MINDY2: variants seen among roughly 807,000 people sequenced by gnomAD.
The protein encoded by MINDY2 is ubiquitin carboxyl-terminal hydrolase MINDY-2.
In MINDY2, 52 loss-of-function variants were observed where a neutral mutation model predicts 68.2. The observed-to-expected ratio is 0.76, with a 90% CI of 0.61 to 0.96. MINDY2 has a LOEUF of 0.96. MINDY2 is among the 40% of genes least tolerant of loss of function. The pLI is 0.00. For synonymous variants in MINDY2, 372 were observed against 303.0 expected (o/e 1.23, Z -2.36); for missense variants, 881 against 773.4 (o/e 1.14, Z -1.65).
rs1217026028 is a variant in MINDY2, at chr15:58,857,520, C to T, written c.*2910C>T. On this transcript the variant is annotated 3_prime_UTR_variant, in exon 9 of 9. Coordinates refer to ENST00000559228, the MANE Select transcript of MINDY2 (RefSeq NM_001040450.3). Reference sequence around the variant, plus strand: ...CTGCATGCAAGCCTGGGCAATAGAGCGAGACTCCGTCTCAAAAAAAAAAAA... The same window carrying T: ...CTGCATGCAAGCCTGGGCAATAGAGTGAGACTCCGTCTCAAAAAAAAAAAA... The T allele has an allele frequency of 2.7e-5, 3 of 110,426 alleles. No homozygotes were observed. The highest frequency in any genetic ancestry group is 3.1e-4 in the South Asian group (1 of 3,182). The allele number at this position is 110,426 out of a possible 1,614,324, so 6.8% of individuals were successfully genotyped here.
At chr15:58,796,877 T>G (rs1902319072) in intron 2 of MINDY2, among the ~76,000 whole-genome samples, 1 of 152,208 alleles carries the variant, frequency 6.6e-6, no homozygotes, top group African/African-American at 2.4e-5. Context: ...TTTCTGACCC[T>G]GTTTCCTATC....
At chr15:58,854,319 T>C (rs1035129531) in intron 8 of MINDY2, among the ~76,000 whole-genome samples, 163 bp from the exon 9 acceptor site, 3 of 152,124 alleles carry the variant, frequency 2.0e-5, no homozygotes, top group Non-Finnish European at 4.4e-5. Flanking sequence ...ATGGTAGCGG[T>C]AATGGCTCAG....
chr15:58,816,568 G>T (rs1189393179), intron 4 of MINDY2, among the ~76,000 whole-genome samples: 1 of 151,994 alleles, frequency 6.6e-6, no homozygotes, highest in African/African-American at 2.4e-5. Context: ...AGCATGCCCA[G>T]CTCACATACA....
intron 4 of MINDY2, among the ~76,000 whole-genome samples, chr15:58,819,318 T>A (rs925925540): frequency 3.9e-5 from 6 of 151,952 alleles, no homozygotes; most frequent in African/African-American, 1.4e-4. Flanking sequence ...TGTGGTGGCG[T>A]CTGCCTGTAG....
In MINDY2 at chr15:58,859,090, T is replaced by G. The variant is rs978812203; in HGVS notation, c.*4480T>G. ...TAACAAAATATATCTTAAGTCAGTTTTTTTAATGCTGTCAAAATTTGTAGA... is the reference window on the plus strand; with the variant it reads ...TAACAAAATATATCTTAAGTCAGTTGTTTTAATGCTGTCAAAATTTGTAGA... On this transcript the variant is annotated 3_prime_UTR_variant, in exon 9 of 9. Coordinates refer to ENST00000559228, the MANE Select transcript of MINDY2 (RefSeq NM_001040450.3). 8 of 152,156 alleles carry G rather than the reference T, an allele frequency of 5.3e-5. No homozygotes were observed. The highest frequency in any genetic ancestry group is 1.9e-4 in the African/African-American group (8 of 41,466). 9.4% of individuals were successfully genotyped at this position (152,156 alleles called of 1,614,324 possible). A position where few individuals can be genotyped will look rare whatever the true frequency, so the allele number is the denominator to read the frequency against.
Position 58,859,675 on chromosome 15 carries a change from G to C in MINDY2, c.*5065G>C, listed in dbSNP as rs1296923164. 1 of 152,188 alleles carries C rather than the reference G, an allele frequency of 6.6e-6. No individual in the cohort carries two copies. The highest frequency in any genetic ancestry group is 2.4e-5 in the African/African-American group (1 of 41,454). 9.4% of individuals were successfully genotyped at this position (152,188 alleles called of 1,614,324 possible). A position where few individuals can be genotyped will look rare whatever the true frequency, so the allele number is the denominator to read the frequency against. The stretch of plus-strand genomic sequence containing the variant: ...AGCGATAATGGCATGGGAGAGGCCA[G>C]ATGCAGGACTCTGGTAAATTTAACT... On this transcript the variant is annotated 3_prime_UTR_variant, in exon 9 of 9. Coordinates refer to ENST00000559228, the MANE Select transcript of MINDY2 (RefSeq NM_001040450.3).
chr15:58,802,518 CTA>C (rs1306407429), intron 3 of MINDY2, 141 bp downstream of exon 3: 2 of 452,540 alleles, frequency 4.4e-6, no homozygotes, highest in East Asian at 7.5e-5. Context: ...TGGTCAGTCT[CTA>C]TTACATATTC....
intron 4 of MINDY2, among the ~76,000 whole-genome samples, chr15:58,813,767 G>C (rs572815141): frequency 1.3e-5 from 2 of 150,586 alleles, no homozygotes; most frequent in Non-Finnish European, 1.5e-5. Context: ...TTAAGAAAGC[G>C]ACAAACTGTT....
In MINDY2 at chr15:58,825,989, T is replaced by C. The variant is rs2031369459; in HGVS notation, c.1225+4170T>C. ...TAGGATATGTATTCGTTAATTCAAA[T>C]ATTTATTGAGCCTTTATTATGTGCC... On this transcript the variant is annotated intron_variant, in intron 5 of 8. Coordinates refer to ENST00000559228, the MANE Select transcript of MINDY2 (RefSeq NM_001040450.3). Among the ~76,000 whole-genome samples, 6 of 152,166 alleles carry C rather than the reference T, an allele frequency of 3.9e-5. No individual in the cohort carries two copies. In the South Asian group the frequency reaches 1.2e-3, roughly 31 times the overall value.
intron 2 of MINDY2, among the ~76,000 whole-genome samples, chr15:58,800,320 C>G (rs547744514): frequency 6.6e-6 from 1 of 152,268 alleles, no homozygotes; most frequent in South Asian, 2.1e-4. Context: ...CTGTATCATT[C>G]TTTGTCCCTA....
intron 1 of MINDY2, among the ~76,000 whole-genome samples, chr15:58,787,694 G>A (rs1231981021): frequency 2.0e-4 from 28 of 142,492 alleles, no homozygotes; most frequent in African/African-American, 6.9e-4. Flanking sequence ...CCGAGATTGC[G>A]CCACTGCAGT....
Position 58,847,323 on chromosome 15 carries a change from C to G in MINDY2, c.1395C>G (p.Asp465Glu), listed in dbSNP as rs2032585248. 1 of 1,586,050 alleles carries G rather than the reference C, an allele frequency of 6.3e-7. No individual in the cohort carries two copies. ...GTCAACTGTATTTGTTGGTAACGGA[C>G]CAGGGGTTTCTTACTGAAGAGAAAG... ...YKGQLYLLVT[D>E]QGFLTEEKVV... Residue 465 changes from aspartate (D) to glutamate (E), a missense_variant, in exon 7 of 9, where the codon GAC becomes GAG. Physicochemically the swap from Asp to Glu is conservative, Grantham distance 45. Transcript: ENST00000559228.
rs2032833769 is a variant in MINDY2 at position 58,851,913 on chromosome 15, AG to A, written c.1687del (p.Glu563AsnfsTer94). The A allele has an allele frequency of 6.2e-7, 1 of 1,604,152 alleles. No homozygotes were observed. The highest frequency in any genetic ancestry group is 8.5e-7 in the Non-Finnish European group (1 of 1,177,784). On this transcript the variant is annotated frameshift_variant, in exon 8 of 9. Coordinates refer to ENST00000559228, the MANE Select transcript of MINDY2 (RefSeq NM_001040450.3). LOFTEE classifies it high-confidence loss of function. The part of the protein sequence containing the change: ...EEDRRASQYY[Q>X]EQEQAAAAAA... Reference sequence around the variant, plus strand: ...GACAGACGGGCTTCTCAATACTATCAGGAACAGGAACAAGCAGCAGCTGCTG... The same window carrying A: ...GACAGACGGGCTTCTCAATACTATCAGAACAGGAACAAGCAGCAGCTGCTG...
chr15:58,846,144 C>T (rs2032523178), intron 6 of MINDY2, among the ~76,000 whole-genome samples: 1 of 149,768 alleles, frequency 6.7e-6, no homozygotes, highest in South Asian at 2.1e-4. Context: ...CATTTGCTAA[C>T]ACAAGAGTGT....
rs373157618 is a variant in MINDY2, at chr15:58,801,235, A to G, written c.899-1078A>G. ...GTGATCCACCCTCCTCGGCCTCCCA[A>G]TGTGCTGGGATTATAGGCATGAGCC... On this transcript the variant is annotated intron_variant, in intron 2 of 8. Coordinates refer to ENST00000559228, the MANE Select transcript of MINDY2 (RefSeq NM_001040450.3). Among the ~76,000 whole-genome samples the G allele has an allele frequency of 4.2e-3, 637 of 152,030 alleles. 4 individuals are homozygous for G. Among genetic ancestry groups the G allele is most frequent in the African/African-American group, 0.014 (599 of 41,494 alleles).
chr15:58,772,849 G>C (rs1900530461), intron 1 of MINDY2, among the ~76,000 whole-genome samples: 1 of 151,998 alleles, frequency 6.6e-6, no homozygotes, highest in African/African-American at 2.4e-5. Flanking sequence ...TCATTTCTTT[G>C]GCTCTCCTTA....
chr15:58,779,272 G>A (rs931735500), intron 1 of MINDY2, among the ~76,000 whole-genome samples: 2 of 152,188 alleles, frequency 1.3e-5, no homozygotes, highest in Non-Finnish European at 2.9e-5. Flanking sequence ...ACAAAAGGCT[G>A]TTAACAGAAA....
At chr15:58,791,549 A>T (rs1298782066) in intron 2 of MINDY2, among the ~76,000 whole-genome samples, 3 of 149,924 alleles carry the variant, frequency 2.0e-5, no homozygotes, top group African/African-American at 7.4e-5. Context: ...CCTGGGATCC[A>T]GAGGCTGCAG....
Position 58,860,600 on chromosome 15 carries a change from A to G in MINDY2, c.*5990A>G, listed in dbSNP as rs1410134555. 1.3e-5 allele frequency: 2 copies of G among 150,784 alleles called. No individual in the cohort carries two copies. Among genetic ancestry groups the G allele is most frequent in the African/African-American group, 4.9e-5 (2 of 40,786 alleles). 9.3% of individuals were successfully genotyped at this position (150,784 alleles called of 1,614,324 possible). A position where few individuals can be genotyped will look rare whatever the true frequency, so the allele number is the denominator to read the frequency against. On this transcript the variant is annotated 3_prime_UTR_variant, in exon 9 of 9. Transcript: ENST00000559228. ...TCAAAAAAAAAAAAAAAAAAAAGTC[A>G]AGAAACTGAAATTCCCATTTAAGTT...
Sources: gnomAD v4.1 joint callset for allele counts (sites outside exome capture counted in the v4.1 genomes callset) on GRCh38, gnomAD v4.1.1 for gene constraint, MANE v1.5 for transcripts, NCBI Gene and HGNC (gene_info 2026-07-23, HGNC 2026-07-21) for gene names.